Variants in LRRC20 observed in about 807,000 individuals in gnomAD.
LRRC20 encodes leucine-rich repeat-containing protein 20.
A neutral mutation model predicts 14.4 loss-of-function variants in LRRC20; 11 were observed. That is an observed-to-expected ratio of 0.77 (90% confidence interval 0.48 to 1.27). The LOEUF is 1.27. Ranked by LOEUF, LRRC20 falls within the 50% of genes most tolerant of loss-of-function variation. The pLI is 0.00. For missense variants in LRRC20, 219 were observed against 251.2 expected (o/e 0.87, Z 0.87); for synonymous variants, 121 against 107.3 (o/e 1.13, Z -0.79).
chr10:70,367,958 C>CTATGTTATGTTATGT, intron 2 of LRRC20, among the ~76,000 whole-genome samples: 1 of 21,896 alleles, frequency 4.6e-5, no homozygotes, highest in Admixed American at 5.0e-4. Context: ...ATAAATCTGC[C>CTATGTTATGTTATGT]TATGTTATGT....
rs775551438 is a variant in LRRC20 at position 70,340,678 on chromosome 10, G to A, written c.107C>T (p.Ser36Phe). The stretch of plus-strand genomic sequence containing the variant: ...GACCTTGTAGATGCCAATGGGAAAG[G>A]AGACCAGCTTGCACTCGGCCAGGTC... ...TLDLAECKLV[S>F]FPIGIYKVLR... is the part of the protein sequence containing the mutation. The change falls in exon 3 of 5, where the codon TCC becomes TTC. Residue 36 changes from serine to phenylalanine, a missense_variant. Coordinates refer to ENST00000446961, the MANE Select transcript of LRRC20 (RefSeq NM_001278212.2). 6.2e-7 allele frequency: 1 copy of A among 1,614,108 alleles called. No homozygotes were observed. Among genetic ancestry groups the A allele is most frequent in the East Asian group, 2.2e-5 (1 of 44,902 alleles).
At chr10:70,347,401 G>A (rs1843114174) in intron 2 of LRRC20, among the ~76,000 whole-genome samples, 1 of 152,050 alleles carries the variant, frequency 6.6e-6, no homozygotes, top group Non-Finnish European at 1.5e-5. Flanking sequence ...GGTACTCAAA[G>A]CAGCCTGTCT....
In LRRC20 at chr10:70,340,407, G is replaced by A; in HGVS notation, c.232+146C>T. ...AGTTCCAAGCTGCAGGGAGAACACA[G>A]GTCCATTTTCAAAGTCAACCCATGG... On this transcript the variant is annotated intron_variant, in intron 3 of 4. Coordinates refer to ENST00000446961, the MANE Select transcript of LRRC20 (RefSeq NM_001278212.2). 3.3e-6 allele frequency: 3 copies of A among 899,258 alleles called. No homozygotes were observed. The Admixed American group carries it at 7.3e-5, about 22-fold the overall frequency. The allele number at this position is 899,258 out of a possible 1,614,324, so 55.7% of individuals were successfully genotyped here.
intron 4 of LRRC20, among the ~76,000 whole-genome samples, chr10:70,311,361 AC>A (rs1841661033): frequency 6.6e-6 from 1 of 150,484 alleles, no homozygotes. Flanking sequence ...CCCTGGGATT[AC>A]AGGTGCACAC....
intron 3 of LRRC20, among the ~76,000 whole-genome samples, chr10:70,338,810 G>C (rs1293296420): frequency 1.3e-5 from 2 of 152,224 alleles, no homozygotes; most frequent in African/African-American, 4.8e-5. Flanking sequence ...ACAGGTGTGC[G>C]CCACCACACC....
chr10:70,367,166 A>G (rs1276589855), intron 2 of LRRC20, among the ~76,000 whole-genome samples: 1 of 151,986 alleles, frequency 6.6e-6, no homozygotes, highest in Non-Finnish European at 1.5e-5. Context: ...CTCTACAAAA[A>G]ATACAAAAAT....
intron 3 of LRRC20, among the ~76,000 whole-genome samples, chr10:70,334,583 C>T (rs958174999): frequency 2.0e-5 from 3 of 152,126 alleles, no homozygotes; most frequent in African/African-American, 7.2e-5. Context: ...AGACTCCTGA[C>T]CACACGTGGA....
intron 2 of LRRC20, among the ~76,000 whole-genome samples, chr10:70,367,999 T>TATGTTATGTTATGTTATGCTATGTTATG (rs1403701408): frequency 6.9e-6 from 1 of 145,942 alleles, no homozygotes; most frequent in African/African-American, 2.5e-5. Flanking sequence ...TATGTTATTT[T>TATGTTATGTTATGTTATGCTATGTTATG]TTGAGATGGA....
intron 3 of LRRC20, among the ~76,000 whole-genome samples, chr10:70,332,420 G>A (rs915369653): frequency 3.0e-4 from 45 of 152,354 alleles, no homozygotes; most frequent in African/African-American, 1.1e-3. Flanking sequence ...GAGACAGGCG[G>A]ATCACTTGAG....
chr10:70,357,829 G>T (rs1014551949), intron 2 of LRRC20, among the ~76,000 whole-genome samples: 3 of 152,188 alleles, frequency 2.0e-5, no homozygotes, highest in Non-Finnish European at 4.4e-5. Flanking sequence ...ATACAAAAGG[G>T]AATAGAAACA....
intron 4 of LRRC20, among the ~76,000 whole-genome samples, chr10:70,304,507 T>TATATATATATATATATATATC (rs1491241599): frequency 7.4e-6 from 1 of 134,868 alleles, no homozygotes; most frequent in Non-Finnish European, 1.6e-5. Context: ...TATATATATA[T>TATATATATATATATATATATC]TTTACTAAGC....
chr10:70,358,586 G>A (rs535666766), intron 2 of LRRC20, among the ~76,000 whole-genome samples: 56 of 152,298 alleles, frequency 3.7e-4, no homozygotes, highest in African/African-American at 1.3e-3. Context: ...TGTGCACCAC[G>A]TCTGCCCCAG....
At chr10:70,311,295 C>T (rs2136896429) in intron 4 of LRRC20, among the ~76,000 whole-genome samples, 1 of 139,720 alleles carries the variant, frequency 7.2e-6, no homozygotes. Context: ...ATGGCGCGAT[C>T]TCAGCTCACT....
intron 4 of LRRC20, among the ~76,000 whole-genome samples, chr10:70,314,248 G>C (rs1841777981): frequency 6.6e-6 from 1 of 151,834 alleles, no homozygotes; most frequent in Non-Finnish European, 1.5e-5. Context: ...CAAGAAACTG[G>C]CTCAGCTGAT....
chr10:70,352,209 A>G (rs1040326201), intron 2 of LRRC20, among the ~76,000 whole-genome samples: 1 of 143,438 alleles, frequency 7.0e-6, no homozygotes, highest in Non-Finnish European at 1.5e-5. Flanking sequence ...AATAACTTGT[A>G]AGGCATGTAC....
chr10:70,317,731 G>C (rs1321098799), intron 4 of LRRC20, among the ~76,000 whole-genome samples: 1 of 152,166 alleles, frequency 6.6e-6, no homozygotes, highest in Non-Finnish European at 1.5e-5. Context: ...TCAGTCCCAG[G>C]GGACACTGAG....
At chr10:70,340,751 C>G in intron 2 of LRRC20, 49 bp from the exon 3 acceptor site, 1 of 1,602,698 alleles carries the variant, frequency 6.2e-7, no homozygotes, top group Non-Finnish European at 8.5e-7. Flanking sequence ...CACAGCTGCC[C>G]GAGAACTTGT....
chr10:70,355,275 A>C (rs1259528774), intron 2 of LRRC20, among the ~76,000 whole-genome samples: 3 of 152,226 alleles, frequency 2.0e-5, no homozygotes, highest in Non-Finnish European at 2.9e-5. Context: ...TAAAAGGCTT[A>C]AGACAAAAAG....
At chr10:70,380,270 T>A (rs1024635291) in intron 1 of LRRC20, among the ~76,000 whole-genome samples, 1 of 152,222 alleles carries the variant, frequency 6.6e-6, no homozygotes, top group Admixed American at 6.5e-5. Flanking sequence ...CTTCCTTCTA[T>A]GCCAGAGGAT....
Sources: gnomAD v4.1 joint callset for allele counts (sites outside exome capture counted in the v4.1 genomes callset) on GRCh38, gnomAD v4.1.1 for gene constraint, MANE v1.5 for transcripts, NCBI Gene and HGNC (gene_info 2026-07-23, HGNC 2026-07-21) for gene names.